KCNK2: variants seen among roughly 807,000 people sequenced by gnomAD.
KCNK2 encodes the protein potassium channel subfamily K member 2.
A neutral mutation model predicts 40.5 loss-of-function variants in KCNK2; 21 were observed. That is an observed-to-expected ratio of 0.52 (90% confidence interval 0.37 to 0.75). KCNK2 has a LOEUF of 0.75. Ranked by LOEUF, KCNK2 falls within the 30% of genes least tolerant of loss-of-function variation. The pLI is 0.00. For missense variants in KCNK2, 399 were observed against 531.6 expected (o/e 0.75, Z 2.45); for synonymous variants, 191 against 202.2 (o/e 0.94, Z 0.47).
At chr1:215,149,661 A>T (rs1052562766) in intron 3 of KCNK2, among the ~76,000 whole-genome samples, 2 of 152,226 alleles carry the variant, frequency 1.3e-5, no homozygotes, top group African/African-American at 4.8e-5. Context: ...TAAAGGAAGC[A>T]TGCTAATCAG....
chr1:215,084,650 AG>A (rs1659352083), intron 1 of KCNK2, among the ~76,000 whole-genome samples: 1 of 152,298 alleles, frequency 6.6e-6, no homozygotes, highest in Admixed American at 6.5e-5. Flanking sequence ...TTTTGAGTGA[AG>A]GTGTCTTTAT....
chr1:215,011,809 T>C (rs572178502), intron 1 of KCNK2, among the ~76,000 whole-genome samples: 2 of 151,440 alleles, frequency 1.3e-5, no homozygotes, highest in South Asian at 4.2e-4. Context: ...GGTTTCACCA[T>C]GTTGGTCAGG....
intron 5 of KCNK2, among the ~76,000 whole-genome samples, chr1:215,185,814 C>A (rs1664410861): frequency 6.6e-6 from 1 of 152,152 alleles, no homozygotes; most frequent in Non-Finnish European, 1.5e-5. Context: ...TGTCAATCTG[C>A]AAAACCTGCA....
intron 6 of KCNK2, among the ~76,000 whole-genome samples, chr1:215,229,112 G>A (rs1477011095): frequency 1.3e-5 from 2 of 151,776 alleles, no homozygotes; most frequent in African/African-American, 4.8e-5. Context: ...TATTTTATGT[G>A]TGGCCTAAGA....
exon 1 of KCNK2, chr1:215,005,855 G>C: frequency 4.8e-6 from 7 of 1,463,254 alleles, no homozygotes; most frequent in Non-Finnish European, 5.8e-6. Context: ...TTACGGACAA[G>C]AAACCTTGGA....
At chr1:215,154,399 A>G (rs1439088310) in intron 3 of KCNK2, among the ~76,000 whole-genome samples, 2 of 150,846 alleles carry the variant, frequency 1.3e-5, no homozygotes, top group African/African-American at 4.9e-5. Flanking sequence ...TCTTCTTTTG[A>G]GAAGTGTCTT....
intron 2 of KCNK2, among the ~76,000 whole-genome samples, chr1:215,114,539 G>A (rs1316671726): frequency 1.3e-5 from 2 of 152,158 alleles, no homozygotes; most frequent in Non-Finnish European, 2.9e-5. Context: ...ACTGGTGAGT[G>A]TATGGGTGTG....
chr1:215,015,199 A>T (rs1296888300), intron 1 of KCNK2, among the ~76,000 whole-genome samples: 1 of 152,110 alleles, frequency 6.6e-6, no homozygotes, highest in African/African-American at 2.4e-5. Flanking sequence ...CTAGTGTCTC[A>T]GATGTGAATT....
intron 2 of KCNK2, among the ~76,000 whole-genome samples, chr1:215,092,659 G>A (rs978941140): frequency 2.6e-5 from 4 of 152,230 alleles, no homozygotes; most frequent in East Asian, 3.9e-4. Flanking sequence ...GAACCAAATA[G>A]CCTAAAATGG....
intron 3 of KCNK2, among the ~76,000 whole-genome samples, chr1:215,133,835 T>G (rs1033319455): frequency 2.0e-5 from 3 of 152,180 alleles, no homozygotes; most frequent in Admixed American, 6.5e-5. Context: ...TACAGCCAAC[T>G]CTTGGTTCTA....
chr1:215,042,618 A>G (rs1225709741), intron 1 of KCNK2, among the ~76,000 whole-genome samples: 1 of 152,228 alleles, frequency 6.6e-6, no homozygotes, highest in Non-Finnish European at 1.5e-5. Flanking sequence ...TGTTTTTACA[A>G]TCACATTTTA....
At chr1:215,124,239 T>C (rs1346107828) in intron 2 of KCNK2, among the ~76,000 whole-genome samples, 1 of 152,196 alleles carries the variant, frequency 6.6e-6, no homozygotes, top group Non-Finnish European at 1.5e-5. Flanking sequence ...AATACTTTCT[T>C]TATGATGAAG....
intron 2 of KCNK2, among the ~76,000 whole-genome samples, chr1:215,094,003 T>C (rs1010926375): frequency 7.1e-6 from 1 of 140,828 alleles, no homozygotes; most frequent in Admixed American, 7.9e-5. Context: ...CAAATGCGGT[T>C]TTTGTCATTA....
chr1:215,127,022 A>G (rs1257342079), intron 3 of KCNK2, among the ~76,000 whole-genome samples: 2 of 152,230 alleles, frequency 1.3e-5, no homozygotes, highest in East Asian at 3.8e-4. Context: ...AATTCAAAGT[A>G]TAATTAATAA....
At position 215,172,115 on chromosome 1, in the gene KCNK2, G is replaced by A. The variant is rs373919966; in HGVS notation, c.755G>A (p.Ser252Asn). 1.2e-6 allele frequency: 2 copies of A among 1,613,574 alleles called. No homozygotes were observed. The highest frequency in any genetic ancestry group is 1.3e-5 in the African/African-American group (1 of 74,872). Residue 252 changes from serine (S) to asparagine (N), a missense_variant, in exon 5 of 7, where the codon AGT (serine) becomes AAT (asparagine). Ser to Asn is a conservative substitution (Grantham distance 46). Around this residue, in one of 3 missense-constraint regions of KCNK2, gnomAD observed 279 missense variants for 353.8 expected, o/e 0.79. Coordinates refer to ENST00000444842, the MANE Select transcript of KCNK2 (RefSeq NM_001017425.3). ...AIIFKHIEGW[S>N]ALDAIYFVVI... is the part of the protein sequence containing the mutation. ...ATATTCAAACACATAGAAGGCTGGAGTGCCCTGGACGCCATTTATTTTGTG... is the reference window on the plus strand; with the variant it reads ...ATATTCAAACACATAGAAGGCTGGAATGCCCTGGACGCCATTTATTTTGTG...
At chr1:215,028,661 C>T (rs1048753594) in intron 1 of KCNK2, among the ~76,000 whole-genome samples, 1 of 151,866 alleles carries the variant, frequency 6.6e-6, no homozygotes, top group Non-Finnish European at 1.5e-5. Context: ...CATGTTTGAC[C>T]TATTATATTC....
At chr1:215,138,804 C>T (rs1662041524) in intron 3 of KCNK2, among the ~76,000 whole-genome samples, 1 of 152,160 alleles carries the variant, frequency 6.6e-6, no homozygotes, top group Non-Finnish European at 1.5e-5. Flanking sequence ...AATCACTTCG[C>T]ATACACTCTT....
chr1:215,220,075 T>C (rs1666109815), intron 6 of KCNK2, among the ~76,000 whole-genome samples: 8 of 152,210 alleles, frequency 5.3e-5, no homozygotes, highest in Admixed American at 3.9e-4. Flanking sequence ...GTATCACTGC[T>C]CTTACACACT....
At chr1:215,187,120 C>A (rs1477484353) in intron 5 of KCNK2, among the ~76,000 whole-genome samples, 1 of 152,076 alleles carries the variant, frequency 6.6e-6, no homozygotes, top group Non-Finnish European at 1.5e-5. Context: ...CAGGCACATG[C>A]CACCATACCC....
Sources: gnomAD v4.1 joint callset for allele counts (sites outside exome capture counted in the v4.1 genomes callset) on GRCh38, gnomAD v4.1.1 for gene constraint, gnomAD v4.1.1 regional missense constraint, MANE v1.5 for transcripts, NCBI Gene and HGNC (gene_info 2026-07-23, HGNC 2026-07-21) for gene names.